AGBL3: variants seen among roughly 807,000 people sequenced by gnomAD.
The protein encoded by AGBL3 is AGBL carboxypeptidase 3.
Under a neutral mutation model 94.5 loss-of-function variants are expected in AGBL3, and 68 were observed. The ratio of observed to expected loss-of-function variants is 0.72; its 90% CI spans 0.59 to 0.88. The LOEUF is 0.88. AGBL3 is among the 40% of genes least tolerant of loss of function. The pLI, the probability that AGBL3 is intolerant of heterozygous loss-of-function variation, is 0.00. For missense variants in AGBL3, 934 were observed against 1,103.8 expected, an observed-to-expected ratio of 0.85 and a Z score of 2.18; for synonymous variants, 354 against 370.7, an observed-to-expected ratio of 0.95 and a Z score of 0.52.
chr7:135,041,765 C>T (rs933005332), intron 8 of AGBL3, among the ~76,000 whole-genome samples: 2 of 152,076 alleles, frequency 1.3e-5, no homozygotes, highest in Non-Finnish European at 2.9e-5. Flanking sequence ...CAAAGATAAG[C>T]TCCAGGTAGA....
intron 11 of AGBL3, among the ~76,000 whole-genome samples, chr7:135,057,935 A>G (rs1271282782): frequency 6.6e-6 from 1 of 152,242 alleles, no homozygotes; most frequent in African/African-American, 2.4e-5. Flanking sequence ...GGGAAAACGA[A>G]GGATGAATAG....
At chr7:135,018,401 A>G (rs1360279320) in intron 5 of AGBL3, among the ~76,000 whole-genome samples, 1 of 152,228 alleles carries the variant, frequency 6.6e-6, no homozygotes, top group Non-Finnish European at 1.5e-5. Flanking sequence ...AGGGCAAGGG[A>G]ACCTCTGGGG....
chr7:135,120,035 T>G (rs1487048369), intron 16 of AGBL3, among the ~76,000 whole-genome samples: 1 of 151,818 alleles, frequency 6.6e-6, no homozygotes, highest in Non-Finnish European at 1.5e-5. Flanking sequence ...CTATACCCAG[T>G]GAAAATAAGG....
intron 12 of AGBL3, among the ~76,000 whole-genome samples, chr7:135,060,674 C>G (rs1320827085): frequency 6.6e-6 from 1 of 152,104 alleles, no homozygotes; most frequent in Non-Finnish European, 1.5e-5. Context: ...CCTGGCTTAT[C>G]TCACTTAACG....
chr7:135,017,563 A>AACAAG (rs1813948444), intron 5 of AGBL3, among the ~76,000 whole-genome samples: 1 of 152,176 alleles, frequency 6.6e-6, no homozygotes, highest in Non-Finnish European at 1.5e-5. Context: ...TGGCGTTATA[A>AACAAG]TCTTTAAAAG....
intron 5 of AGBL3, among the ~76,000 whole-genome samples, chr7:135,030,396 A>G (rs1236127064): frequency 6.6e-6 from 1 of 152,212 alleles, no homozygotes; most frequent in Admixed American, 6.5e-5. Flanking sequence ...CTTCATTGTA[A>G]GTCAAGGAGG....
At chr7:135,120,230 T>G (rs1826949042) in intron 16 of AGBL3, among the ~76,000 whole-genome samples, 2 of 152,156 alleles carry the variant, frequency 1.3e-5, no homozygotes. Flanking sequence ...TAAATATAAA[T>G]TTTTCTAAAT....
chr7:135,124,311 A>T (rs1827559655), intron 16 of AGBL3, among the ~76,000 whole-genome samples: 1 of 152,234 alleles, frequency 6.6e-6, no homozygotes. Flanking sequence ...AGGGTATTAC[A>T]TAATGGTAAA....
intron 11 of AGBL3, among the ~76,000 whole-genome samples, chr7:135,058,503 T>C (rs1259356538): frequency 6.6e-6 from 1 of 152,154 alleles, no homozygotes; most frequent in Non-Finnish European, 1.5e-5. Context: ...ATGATACCTA[T>C]GACATCTAGG....
chr7:135,128,909 T>C lies in AGBL3; in HGVS notation c.2343-5932T>C, dbSNP rs934781835. 3.4e-6 allele frequency: 5 copies of C among 1,470,670 alleles called. No homozygotes were observed. The African/African-American group carries it at 5.6e-5, about 16-fold the overall frequency. 91.1% of individuals were successfully genotyped at this position (1,470,670 alleles called of 1,614,324 possible). A position where few individuals can be genotyped will look rare whatever the true frequency, so the allele number is the denominator to read the frequency against. On this transcript the variant is annotated intron_variant, in intron 16 of 16. Coordinates refer to ENST00000436302, the MANE Select transcript of AGBL3 (RefSeq NM_178563.4). ...AAGCTCAGCAGATAAAATGCTTTAATAGTAATTTGTTCCTGTGCAATATCT... is the reference window on the plus strand; with the variant it reads ...AAGCTCAGCAGATAAAATGCTTTAACAGTAATTTGTTCCTGTGCAATATCT...
In AGBL3 at chr7:135,065,816, G is replaced by A. The variant is rs1313909359; in HGVS notation, c.1908+6581G>A. 4.6e-5 allele frequency among the ~76,000 whole-genome samples: 7 copies of A among 152,280 alleles called. No individual in the cohort carries two copies. The South Asian group carries it at 1.0e-3, about 23-fold the overall frequency. Reference sequence around the variant, plus strand: ...CTGAGGTGGGAGGATCAATGAGCCTGGGAGGTCAAGGCTGCAGTAAGTCAT... The same window carrying A: ...CTGAGGTGGGAGGATCAATGAGCCTAGGAGGTCAAGGCTGCAGTAAGTCAT... On this transcript the variant is annotated intron_variant, in intron 12 of 16. Transcript: ENST00000436302.
intron 4 of AGBL3, 106 bp from the exon 5 acceptor site, chr7:135,016,943 CACT>C: frequency 1.4e-6 from 1 of 730,080 alleles, no homozygotes; most frequent in African/African-American, 1.8e-5. Flanking sequence ...CCACACAAAA[CACT>C]ACATTTTAGC....
At chr7:135,067,618 C>T (rs1385782417) in intron 12 of AGBL3, among the ~76,000 whole-genome samples, 1 of 152,224 alleles carries the variant, frequency 6.6e-6, no homozygotes, top group African/African-American at 2.4e-5. Context: ...TGCTGATACC[C>T]AGGCAAACAG....
chr7:135,027,023 A>G (rs529155050), intron 5 of AGBL3, among the ~76,000 whole-genome samples: 21 of 151,642 alleles, frequency 1.4e-4, no homozygotes, highest in African/African-American at 4.8e-4. Flanking sequence ...ACAATATACA[A>G]TTTCTTAAAG....
chr7:135,020,765 T>C (rs1039282001), intron 5 of AGBL3, among the ~76,000 whole-genome samples: 1 of 151,976 alleles, frequency 6.6e-6, no homozygotes, highest in African/African-American at 2.4e-5. Flanking sequence ...TGTAGGGACA[T>C]GGATTAAGCT....
intron 11 of AGBL3, among the ~76,000 whole-genome samples, chr7:135,056,871 T>A (rs1042506268): frequency 6.6e-6 from 1 of 152,144 alleles, no homozygotes; most frequent in African/African-American, 2.4e-5. Context: ...ATTTTGTGGC[T>A]ATAGACAAAC....
intron 8 of AGBL3, among the ~76,000 whole-genome samples, chr7:135,040,997 T>C (rs1347809766): frequency 6.6e-6 from 1 of 151,456 alleles, no homozygotes; most frequent in African/African-American, 2.4e-5. Context: ...AATGAAAAAA[T>C]TGGAAACCAA....
intron 5 of AGBL3, among the ~76,000 whole-genome samples, chr7:135,029,717 C>A (rs975080889): frequency 6.6e-6 from 1 of 152,170 alleles, no homozygotes; most frequent in Non-Finnish European, 1.5e-5. Flanking sequence ...AAAGGCCTAG[C>A]TTTTGGCCTA....
intron 16 of AGBL3, chr7:135,129,709 A>G (rs1199459531): frequency 2.6e-6 from 2 of 755,896 alleles, no homozygotes; most frequent in African/African-American, 3.4e-5. Flanking sequence ...ACTGCTCAAG[A>G]TATGGAAGTG....
Sources: allele counts gnomAD v4.1 joint callset (sites outside exome capture counted in the v4.1 genomes callset), GRCh38; gene constraint gnomAD v4.1.1; transcripts MANE v1.5; gene names NCBI Gene and HGNC (gene_info 2026-07-23, HGNC 2026-07-21).